Variants in GPR63 observed in about 807,000 individuals in gnomAD.
The protein encoded by GPR63 is G protein-coupled receptor 63.
A neutral mutation model predicts 23.1 loss-of-function variants in GPR63; 12 were observed. That is an observed-to-expected ratio of 0.52 (90% CI 0.33 to 0.84). The LOEUF is 0.84. Among genes scored for constraint, GPR63 ranks in the 40% least tolerant of loss-of-function variants. GPR63 has a pLI of 0.02. For synonymous variants in GPR63, 172 were observed against 191.1 expected (o/e 0.90, Z 0.82); for missense variants, 472 against 515.6 (o/e 0.92, Z 0.82).
chr6:96,812,745 G>A (rs1774073461), intron 1 of GPR63, among the ~76,000 whole-genome samples: 1 of 151,588 alleles, frequency 6.6e-6, no homozygotes, highest in East Asian at 1.9e-4. Context: ...CTATTCATGG[G>A]GTACATGTGA....
intron 1 of GPR63, among the ~76,000 whole-genome samples, chr6:96,837,017 G>A (rs1295703329): frequency 6.6e-6 from 1 of 152,120 alleles, no homozygotes; most frequent in East Asian, 1.9e-4. Context: ...GGCGGCCCGG[G>A]AGAAACCGAG....
intron 1 of GPR63, among the ~76,000 whole-genome samples, chr6:96,810,646 T>C (rs1040164363): frequency 6.6e-6 from 1 of 151,808 alleles, no homozygotes; most frequent in African/African-American, 2.4e-5. Flanking sequence ...AAAATTAACA[T>C]GCAGAATGAC....
In GPR63 at chr6:96,821,136, T is replaced by C. The variant is rs1408054218; in HGVS notation, c.-151+16132A>G. 7.9e-5 allele frequency among the ~76,000 whole-genome samples: 12 copies of C among 152,108 alleles called. 1 individual carries two copies. Among genetic ancestry groups the C allele is most frequent in the Admixed American group, 7.9e-4 (12 of 15,272 alleles). On this transcript the variant is annotated intron_variant, in intron 1 of 1. Transcript: ENST00000229955. ...AACCTCAGGTTTTTCATCAGAAAAATGGAGATGATCATAGTGCAGTTTAGC... is the reference window on the plus strand; with the variant it reads ...AACCTCAGGTTTTTCATCAGAAAAACGGAGATGATCATAGTGCAGTTTAGC...
Position 96,798,650 on chromosome 6 carries a change from T to C in GPR63, c.1082A>G (p.Tyr361Cys). 6.2e-7 allele frequency: 1 copy of C among 1,614,194 alleles called. No individual in the cohort carries two copies. The stretch of plus-strand genomic sequence containing the variant: ...CAGCGGATTCAATGCAGACTTGAGG[T>C]AGCAGAGCCACAGTAGCCAGGTGCT... Reference protein sequence around the residue: ...EISTWLLWLCYLKSALNPLIY... With the variant: ...EISTWLLWLCCLKSALNPLIY... Residue 361 changes from tyrosine (Y) to cysteine (C), a missense_variant, in exon 2 of 2, where the codon TAC becomes TGC. Tyr to Cys is a radical substitution (Grantham distance 194). Transcript: ENST00000229955.
Position 96,799,354 on chromosome 6 carries a change from TG to T in GPR63, c.377del (p.Ala126GlufsTer8). The T allele has an allele frequency of 6.2e-7, 1 of 1,614,180 alleles. No individual in the cohort carries two copies. The highest frequency in any genetic ancestry group is 8.5e-7 in the Non-Finnish European group (1 of 1,180,022). On this transcript the variant is annotated frameshift_variant, in exon 2 of 2. Transcript: ENST00000229955. LOFTEE classifies it high-confidence loss of function. ...TGTTCAGCACTGCAAGCAACATGTC[TG>T]CAAAAGCTAGGCTGGCAAGGAGGAT... is the stretch of plus-strand genomic sequence containing the variant. Reference protein sequence around the residue: ...INILLASLAFADMLLAVLNMP... With the variant: ...INILLASLAFXDMLLAVLNMP...
chr6:96,821,922 A>G (rs1288824857), intron 1 of GPR63, among the ~76,000 whole-genome samples: 1 of 152,100 alleles, frequency 6.6e-6, no homozygotes, highest in Non-Finnish European at 1.5e-5. Context: ...CCCATCAACC[A>G]GGTACCTCGT....
chr6:96,800,127 C>T (rs1365842472), intron 1 of GPR63, among the ~76,000 whole-genome samples: 1 of 152,182 alleles, frequency 6.6e-6, no homozygotes, highest in East Asian at 1.9e-4. Context: ...AAATGTGTTA[C>T]TGCCCCAAAG....
chr6:96,809,901 A>C (rs570343332), intron 1 of GPR63, among the ~76,000 whole-genome samples: 5 of 152,334 alleles, frequency 3.3e-5, no homozygotes, highest in Admixed American at 1.3e-4. Context: ...AAGATAGATG[A>C]AAGTGAATTA....
At chr6:96,827,817 C>T (rs895973253) in intron 1 of GPR63, among the ~76,000 whole-genome samples, 1 of 151,902 alleles carries the variant, frequency 6.6e-6, no homozygotes, top group Non-Finnish European at 1.5e-5. Context: ...TCTCTCTCTC[C>T]CTCTTCTCTC....
intron 1 of GPR63, among the ~76,000 whole-genome samples, chr6:96,827,618 G>C (rs553106296): frequency 2.6e-5 from 4 of 152,090 alleles, no homozygotes; most frequent in East Asian, 1.9e-4. Context: ...AGGAGAAAGA[G>C]AGTATCTTCA....
In GPR63 at chr6:96,798,751, C is replaced by A; in HGVS notation, c.981G>T (p.Trp327Cys). 1 of 1,614,012 alleles carries A rather than the reference C, an allele frequency of 6.2e-7. No individual in the cohort carries two copies. The highest frequency in any genetic ancestry group is 8.5e-7 in the Non-Finnish European group (1 of 1,180,014). Residue 327 changes from tryptophan to cysteine, a missense_variant, in exon 2 of 2, where the codon TGG becomes TGT. Physicochemically the swap from Trp to Cys is radical, Grantham distance 215 (BLOSUM62 -2). Coordinates refer to ENST00000229955, the MANE Select transcript of GPR63 (RefSeq NM_030784.4). ...CAAGGCTGTAAGTGGTGAATGGGGC[C>A]CAGCAGACAATGAAGACAGCAAAGA... ...LILFAVFIVC[W>C]APFTTYSLVA...
rs941502708 is a variant in GPR63 at position 96,794,364 on chromosome 6, G to T, written c.*4108C>A. On this transcript the variant is annotated 3_prime_UTR_variant, in exon 2 of 2. Transcript: ENST00000229955. ...ACCTCCAATAACAAACTTGTGCTTTGATATTTTTTATCATAAAAACTGAGT... is the reference window on the plus strand; with the variant it reads ...ACCTCCAATAACAAACTTGTGCTTTTATATTTTTTATCATAAAAACTGAGT... The T allele has an allele frequency of 4.0e-5, 6 of 151,894 alleles. No individual in the cohort carries two copies. Among genetic ancestry groups the T allele is most frequent in the African/African-American group, 1.4e-4 (6 of 41,386 alleles). 9.4% of individuals were successfully genotyped at this position (151,894 alleles called of 1,614,324 possible).
At chr6:96,816,436 G>A (rs1326073349) in intron 1 of GPR63, among the ~76,000 whole-genome samples, 1 of 152,076 alleles carries the variant, frequency 6.6e-6, no homozygotes, top group Non-Finnish European at 1.5e-5. Flanking sequence ...AGCAAATAAA[G>A]TCAAGCCTGT....
intron 1 of GPR63, among the ~76,000 whole-genome samples, chr6:96,812,386 T>C (rs1207885126): frequency 6.6e-6 from 1 of 152,136 alleles, no homozygotes; most frequent in Admixed American, 6.5e-5. Flanking sequence ...AATGAGATTA[T>C]TAAGCACAAG....
chr6:96,836,848 G>C (rs1178805358), intron 1 of GPR63, among the ~76,000 whole-genome samples: 1 of 152,086 alleles, frequency 6.6e-6, no homozygotes, highest in East Asian at 1.9e-4. Flanking sequence ...AGACCACCGT[G>C]TAAAAGTTCA....
rs1773555389 is a variant in GPR63, at chr6:96,795,379, A to G, written c.*3093T>C. 1 of 152,196 alleles carries G rather than the reference A, an allele frequency of 6.6e-6. No homozygotes were observed. The highest frequency in any genetic ancestry group is 2.4e-5 in the African/African-American group (1 of 41,444). The allele number at this position is 152,196 out of a possible 1,614,324, so 9.4% of individuals were successfully genotyped here. A position where few individuals can be genotyped will look rare whatever the true frequency, so the allele number is the denominator to read the frequency against. ...TGGTATCTTTCCCTGCCTCAAGAAA[A>G]TATGGGGGAATAGGCAACATATGAT... is the stretch of plus-strand genomic sequence containing the variant. On this transcript the variant is annotated 3_prime_UTR_variant, in exon 2 of 2. Transcript: ENST00000229955.
Position 96,796,427 on chromosome 6 carries a change from C to T in GPR63, c.*2045G>A, listed in dbSNP as rs1773580494. ...AAAGATGCTATAAATCCACAGTTAACTTACTTAATTAGTCAATGATGTAGC... is the reference window on the plus strand; with the variant it reads ...AAAGATGCTATAAATCCACAGTTAATTTACTTAATTAGTCAATGATGTAGC... On this transcript the variant is annotated 3_prime_UTR_variant, in exon 2 of 2. Transcript: ENST00000229955. 6.6e-6 allele frequency: 1 copy of T among 152,196 alleles called. No individual in the cohort carries two copies. The highest frequency in any genetic ancestry group is 2.4e-5 in the African/African-American group (1 of 41,452). 9.4% of individuals were successfully genotyped at this position (152,196 alleles called of 1,614,324 possible).
intron 1 of GPR63, among the ~76,000 whole-genome samples, chr6:96,836,117 ACAGGAATAGAGGTGTGG>A (rs1211433427): frequency 6.6e-6 from 1 of 152,128 alleles, no homozygotes; most frequent in Non-Finnish European, 1.5e-5. Flanking sequence ...AATAAGGCAA[ACAGGAATAGAGGTGTGG>A]CAGAGACCTA....
rs755061998 is a variant in GPR63, at chr6:96,798,637, T to A, written c.1095A>T (p.Ala365=). ...TCCAGTAGTAGATCAGCGGATTCAATGCAGACTTGAGGTAGCAGAGCCACA... is the reference window on the plus strand; with the variant it reads ...TCCAGTAGTAGATCAGCGGATTCAAAGCAGACTTGAGGTAGCAGAGCCACA... ...WLLWLCYLKS[A]LNPLIYYWRI... The change falls in exon 2 of 2, where the codon GCA becomes GCT. Residue 365 remains alanine (A), a synonymous_variant. Transcript: ENST00000229955. The A allele has an allele frequency of 6.2e-7, 1 of 1,614,234 alleles. No individual in the cohort carries two copies. The highest frequency in any genetic ancestry group is 1.7e-5 in the Admixed American group (1 of 60,038).
Sources: gnomAD v4.1 joint callset for allele counts (sites outside exome capture counted in the v4.1 genomes callset) on GRCh38, gnomAD v4.1.1 for gene constraint, MANE v1.5 for transcripts, NCBI Gene and HGNC (gene_info 2026-07-23, HGNC 2026-07-21) for gene names.